Variants in TOX observed in about 807,000 individuals in gnomAD.
The protein encoded by TOX is thymocyte selection associated high mobility group box, also known as thymocyte selection-associated high mobility group box protein TOX.
A neutral mutation model predicts 53.7 loss-of-function variants in TOX; 11 were observed. That is an observed-to-expected ratio of 0.20 (90% CI 0.13 to 0.34). TOX has a LOEUF of 0.34. Among genes scored for constraint, TOX ranks in the 10% least tolerant of loss-of-function variants. TOX has a pLI of 1.00. For synonymous variants in TOX, 225 were observed against 245.3 expected, an observed-to-expected ratio of 0.92 and a Z score of 0.77; for missense variants, 570 against 664.6, an observed-to-expected ratio of 0.86 and a Z score of 1.56.
intron 7 of TOX, among the ~76,000 whole-genome samples, chr8:58,810,065 A>G (rs923578389): frequency 2.0e-5 from 3 of 152,190 alleles, no homozygotes; most frequent in Non-Finnish European, 4.4e-5. Flanking sequence ...AGCTCACTGC[A>G]GCCTCAAACT....
Position 58,942,812 on chromosome 8 carries a change from C to T in TOX, c.169-3268G>A, listed in dbSNP as rs138635873. Among the ~76,000 whole-genome samples the T allele has an allele frequency of 9.3e-4, 141 of 152,302 alleles. 2 individuals are homozygous for T. Among genetic ancestry groups the T allele is most frequent in the African/African-American group, 3.2e-3 (134 of 41,548 alleles). On this transcript the variant is annotated intron_variant, in intron 2 of 8. Transcript: ENST00000361421. ...TCCCTATTCCCTCCTCACCAAGTAA[C>T]GAGTGAGTTCTTGCTTGCTCACACA...
At chr8:58,812,506 G>A (rs1810101272) in intron 7 of TOX, among the ~76,000 whole-genome samples, 1 of 152,154 alleles carries the variant, frequency 6.6e-6, no homozygotes, top group Admixed American at 6.5e-5. Context: ...AGTATTTAAA[G>A]CGTGCTTCCT....
chr8:59,049,235 T>C (rs1423726814), intron 1 of TOX, among the ~76,000 whole-genome samples: 2 of 152,144 alleles, frequency 1.3e-5, no homozygotes, highest in Non-Finnish European at 2.9e-5. Context: ...TAATTAATCA[T>C]TCAATTGCTA....
chr8:58,823,521 G>A (rs1810315223), intron 6 of TOX, among the ~76,000 whole-genome samples: 1 of 152,200 alleles, frequency 6.6e-6, no homozygotes, highest in Admixed American at 6.5e-5. Context: ...ACCGTGCCTG[G>A]CTGGTATATA....
intron 3 of TOX, among the ~76,000 whole-genome samples, chr8:58,907,780 C>T (rs531949223): frequency 3.4e-4 from 52 of 152,238 alleles, no homozygotes; most frequent in African/African-American, 1.2e-3. Context: ...TTAATGCCAA[C>T]TTAGAATAAA....
intron 3 of TOX, among the ~76,000 whole-genome samples, chr8:58,914,164 T>C (rs568257739): frequency 1.3e-5 from 2 of 152,230 alleles, no homozygotes; most frequent in Non-Finnish European, 2.9e-5. Flanking sequence ...TGAAGTATGA[T>C]GGGAAGAACC....
At chr8:58,833,754 G>A (rs935199584) in intron 5 of TOX, among the ~76,000 whole-genome samples, 1 of 152,106 alleles carries the variant, frequency 6.6e-6, no homozygotes, top group Non-Finnish European at 1.5e-5. Flanking sequence ...TAAAACCCCC[G>A]GTTGGAATCC....
At chr8:58,898,825 T>C (rs1811690380) in intron 3 of TOX, among the ~76,000 whole-genome samples, 1 of 152,212 alleles carries the variant, frequency 6.6e-6, no homozygotes, top group South Asian at 2.1e-4. Context: ...ATCAGTTGTA[T>C]CTCCAAGGCT....
At chr8:59,048,704 A>G (rs931078179) in intron 1 of TOX, among the ~76,000 whole-genome samples, 2 of 152,168 alleles carry the variant, frequency 1.3e-5, no homozygotes, top group African/African-American at 4.8e-5. Flanking sequence ...TTGTGGGTGC[A>G]CAGGAGATTT....
intron 1 of TOX, among the ~76,000 whole-genome samples, chr8:58,987,311 G>C (rs891835172): frequency 4.6e-5 from 7 of 152,234 alleles, no homozygotes; most frequent in African/African-American, 1.7e-4. Flanking sequence ...ACTGTGAGGA[G>C]AAAGGAAGCA....
chr8:59,085,952 T>C (rs1202538233), intron 1 of TOX, among the ~76,000 whole-genome samples: 1 of 150,778 alleles, frequency 6.6e-6, no homozygotes, highest in Admixed American at 6.6e-5. Context: ...TAGAGTACTT[T>C]TTTTCTTTTT....
intron 3 of TOX, among the ~76,000 whole-genome samples, chr8:58,870,472 C>T (rs146508972): frequency 8.5e-5 from 13 of 152,134 alleles, no homozygotes; most frequent in Admixed American, 3.9e-4. Context: ...TTAACTTAAT[C>T]GATAGAGTCA....
intron 3 of TOX, among the ~76,000 whole-genome samples, chr8:58,919,384 C>A (rs1190883937): frequency 2.1e-5 from 1 of 48,444 alleles, no homozygotes; most frequent in African/African-American, 1.0e-4. Flanking sequence ...CAGAACAGAG[C>A]CCTCAGAAAT....
intron 1 of TOX, among the ~76,000 whole-genome samples, chr8:59,084,586 C>A (rs1035342124): frequency 6.6e-6 from 1 of 152,164 alleles, no homozygotes; most frequent in Non-Finnish European, 1.5e-5. Context: ...TTTTTACTTA[C>A]TAGAAATAGA....
At chr8:58,896,568 G>C (rs1436193376) in intron 3 of TOX, among the ~76,000 whole-genome samples, 1 of 152,104 alleles carries the variant, frequency 6.6e-6, no homozygotes, top group Non-Finnish European at 1.5e-5. Flanking sequence ...CCAGCCACTG[G>C]GGAGGCTGAA....
intron 1 of TOX, among the ~76,000 whole-genome samples, chr8:58,995,768 T>C (rs946326006): frequency 1.3e-5 from 2 of 152,234 alleles, no homozygotes; most frequent in African/African-American, 2.4e-5. Context: ...AAATATACTT[T>C]AGCATTTTGT....
chr8:58,947,557 T>C (rs895599552), intron 2 of TOX, among the ~76,000 whole-genome samples: 2 of 152,188 alleles, frequency 1.3e-5, no homozygotes, highest in Admixed American at 1.3e-4. Flanking sequence ...AGTGTTCTTA[T>C]GGCGATATGG....
chr8:58,922,850 G>A (rs1470719360), intron 3 of TOX, among the ~76,000 whole-genome samples: 3 of 152,190 alleles, frequency 2.0e-5, no homozygotes, highest in Non-Finnish European at 4.4e-5. Context: ...AGGGGCGAGC[G>A]GCAGGGCAGG....
intron 1 of TOX, among the ~76,000 whole-genome samples, chr8:58,966,328 C>T (rs1378409891): frequency 2.0e-5 from 3 of 152,150 alleles, no homozygotes; most frequent in Non-Finnish European, 2.9e-5. Context: ...TATCAACACC[C>T]AAAGAAAAGA....
Sources: gnomAD v4.1 joint callset for allele counts (sites outside exome capture counted in the v4.1 genomes callset) on GRCh38, gnomAD v4.1.1 for gene constraint, MANE v1.5 for transcripts, NCBI Gene and HGNC (gene_info 2026-07-23, HGNC 2026-07-21) for gene names.